Variants in TMEM132C observed in about 807,000 individuals in gnomAD.
TMEM132C encodes the protein protein phosphatase 1, regulatory subunit 152.
Under a neutral mutation model 61.4 loss-of-function variants are expected in TMEM132C, and 29 were observed. The ratio of observed to expected loss-of-function variants is 0.47; its 90% CI spans 0.35 to 0.64. The LOEUF (loss-of-function observed/expected upper bound fraction) is 0.64. TMEM132C is among the 30% of genes least tolerant of loss of function. The pLI is 0.00. For missense variants in TMEM132C, 1,408 were observed against 1,476.9 expected, an observed-to-expected ratio of 0.95 and a Z score of 0.76; for synonymous variants, 656 against 633.1, an observed-to-expected ratio of 1.04 and a Z score of -0.54.
At chr12:128,685,178 T>C (rs1452244220) in intron 5 of TMEM132C, among the ~76,000 whole-genome samples, 1 of 151,882 alleles carries the variant, frequency 6.6e-6, no homozygotes, top group East Asian at 1.9e-4. Context: ...GAAAATAGAA[T>C]AAGATAAAAA....
intron 5 of TMEM132C, among the ~76,000 whole-genome samples, chr12:128,689,672 G>A (rs546638535): frequency 6.6e-6 from 1 of 152,242 alleles, no homozygotes; most frequent in South Asian, 2.1e-4. Context: ...CCAGAGACAG[G>A]AGTTTAGGAG....
intron 8 of TMEM132C, among the ~76,000 whole-genome samples, chr12:128,702,392 T>A (rs1290555444): frequency 6.6e-6 from 1 of 152,208 alleles, no homozygotes; most frequent in Admixed American, 6.5e-5. Flanking sequence ...TATTATTTCA[T>A]AAATAACATT....
intron 1 of TMEM132C, among the ~76,000 whole-genome samples, chr12:128,350,981 C>T (rs1873320275): frequency 1.3e-5 from 2 of 151,992 alleles, no homozygotes; most frequent in South Asian, 4.2e-4. Context: ...CATGAGGTGG[C>T]CCTGGGAGTA....
intron 2 of TMEM132C, among the ~76,000 whole-genome samples, chr12:128,498,037 A>G (rs1377099274): frequency 6.6e-6 from 1 of 152,168 alleles, no homozygotes; most frequent in African/African-American, 2.4e-5. Context: ...CTGGCTCACA[A>G]TCTTCCTCCA....
chr12:128,368,126 A>G (rs1451787291), intron 1 of TMEM132C, among the ~76,000 whole-genome samples: 1 of 152,202 alleles, frequency 6.6e-6, no homozygotes, highest in Non-Finnish European at 1.5e-5. Context: ...AGATCTAGCC[A>G]CCAGCCAGGG....
At chr12:128,606,341 C>T (rs774067327) in intron 3 of TMEM132C, among the ~76,000 whole-genome samples, 12 of 152,218 alleles carry the variant, frequency 7.9e-5, no homozygotes, top group South Asian at 6.2e-4. Context: ...CTGGAGCCAC[C>T]GCCTGGGGCT....
At chr12:128,340,118 C>T (rs1041779944) in intron 1 of TMEM132C, among the ~76,000 whole-genome samples, 2 of 152,164 alleles carry the variant, frequency 1.3e-5, no homozygotes, top group African/African-American at 4.8e-5. Context: ...TTCTTTTTTG[C>T]TTTTCCTTGG....
At position 128,706,232 on chromosome 12, in the gene TMEM132C, C is replaced by T. The variant is rs148705796; in HGVS notation, c.3264C>T (p.Asp1088=). 5.0e-5 allele frequency: 77 copies of T among 1,551,644 alleles called. No homozygotes were observed. In the East Asian group the frequency reaches 7.3e-4, roughly 15 times the overall value. The stretch of plus-strand genomic sequence containing the variant: ...AGGACATCAAATGGGTGTGTCAAGA[C>T]GTGGCTGTGGGTGCCCCCAAGGAAC... The part of the protein sequence containing the change: ...NDEDIKWVCQ[D]VAVGAPKELR... Residue 1088 remains aspartate, a synonymous_variant, in exon 9 of 9, where the codon GAC becomes GAT. Coordinates refer to ENST00000435159, the MANE Select transcript of TMEM132C (RefSeq NM_001136103.3).
intron 2 of TMEM132C, among the ~76,000 whole-genome samples, chr12:128,452,547 G>T (rs1243141943): frequency 6.6e-6 from 1 of 150,678 alleles, no homozygotes; most frequent in Non-Finnish European, 1.5e-5. Flanking sequence ...GCCAGGCATG[G>T]TGATGTGCCT....
intron 1 of TMEM132C, among the ~76,000 whole-genome samples, chr12:128,297,048 TC>T (rs1348012944): frequency 3.3e-5 from 5 of 151,660 alleles, no homozygotes; most frequent in African/African-American, 1.2e-4. Flanking sequence ...CGTCAAATGG[TC>T]TTTTTTTTTT....
chr12:128,592,787 A>G (rs1200592158), intron 3 of TMEM132C, among the ~76,000 whole-genome samples: 1 of 152,170 alleles, frequency 6.6e-6, no homozygotes. Flanking sequence ...CTTATGGGCC[A>G]TTTAACTGCA....
At chr12:128,303,806 G>T (rs1054288897) in intron 1 of TMEM132C, among the ~76,000 whole-genome samples, 1 of 152,144 alleles carries the variant, frequency 6.6e-6, no homozygotes, top group Non-Finnish European at 1.5e-5. Context: ...TGAGTTAGAA[G>T]TGGCATTGTG....
intron 4 of TMEM132C, among the ~76,000 whole-genome samples, chr12:128,635,229 AAG>A (rs1314995495): frequency 6.6e-6 from 1 of 152,180 alleles, no homozygotes; most frequent in African/African-American, 2.4e-5. Context: ...CCTATAATTG[AAG>A]CAAAAAAAGT....
At chr12:128,522,049 C>T (rs1034722129) in intron 2 of TMEM132C, among the ~76,000 whole-genome samples, 41 of 152,114 alleles carry the variant, frequency 2.7e-4, no homozygotes, top group African/African-American at 1.7e-4. Context: ...TTGCTGCTAC[C>T]GTAAGGACTG....
Position 128,349,087 on chromosome 12 carries a change from T to C in TMEM132C, c.86-65645T>C, listed in dbSNP as rs571378950. Among the ~76,000 whole-genome samples, 5 of 152,354 alleles carry C rather than the reference T, an allele frequency of 3.3e-5. No homozygotes were observed. The East Asian group carries it at 9.6e-4, about 29-fold the overall frequency. ...GGCACAACCTGGGCTCACTGCAACATGTGCCTCCCAGGTTCAAGTGATTCT... is the reference window on the plus strand; with the variant it reads ...GGCACAACCTGGGCTCACTGCAACACGTGCCTCCCAGGTTCAAGTGATTCT... On this transcript the variant is annotated intron_variant, in intron 1 of 8. Transcript: ENST00000435159.
chr12:128,551,218 C>T (rs867306085), intron 3 of TMEM132C, among the ~76,000 whole-genome samples: 1 of 142,754 alleles, frequency 7.0e-6, no homozygotes, highest in Non-Finnish European at 1.5e-5. Flanking sequence ...AGCCCCCCCC[C>T]TCCCGCTTCC....
At chr12:128,436,766 T>A (rs1340202441) in intron 2 of TMEM132C, among the ~76,000 whole-genome samples, 4 of 152,196 alleles carry the variant, frequency 2.6e-5, no homozygotes, top group Non-Finnish European at 5.9e-5. Context: ...GAACTAGAAA[T>A]ACCATCTGAC....
At chr12:128,599,191 A>T (rs1023629481) in intron 3 of TMEM132C, among the ~76,000 whole-genome samples, 1 of 152,160 alleles carries the variant, frequency 6.6e-6, no homozygotes, top group African/African-American at 2.4e-5. Context: ...CATCACCCCC[A>T]GCGTTTGTCC....
intron 2 of TMEM132C, among the ~76,000 whole-genome samples, chr12:128,502,581 C>A (rs1872220103): frequency 6.6e-6 from 1 of 150,556 alleles, no homozygotes; most frequent in Admixed American, 6.6e-5. Context: ...CCCCCTGGGC[C>A]ATCTACACCA....
Sources: allele counts gnomAD v4.1 joint callset (sites outside exome capture counted in the v4.1 genomes callset), GRCh38; gene constraint gnomAD v4.1.1; transcripts MANE v1.5; gene names NCBI Gene and HGNC (gene_info 2026-07-23, HGNC 2026-07-21).